Variants in PDE6A observed in about 807,000 individuals in gnomAD.
PDE6A encodes the protein phosphodiesterase 6A.
A neutral mutation model predicts 106.3 loss-of-function variants in PDE6A; 84 were observed. The ratio of observed to expected loss-of-function variants is 0.79; its 90% CI spans 0.66 to 0.95. The LOEUF is 0.95. Ranked by LOEUF, PDE6A falls within the 40% of genes least tolerant of loss-of-function variation. PDE6A has a pLI of 0.00. For missense variants in PDE6A, 1,052 were observed against 1,084.9 expected (o/e 0.97, Z 0.43); for synonymous variants, 394 against 386.6 (o/e 1.02, Z -0.23).
At chr5:149,921,538 A>G in intron 5 of PDE6A, 97 bp downstream of exon 5, 1 of 917,754 alleles carries the variant, frequency 1.1e-6, no homozygotes. Flanking sequence ...ACGCAAAGAC[A>G]AATACCTATA....
At chr5:149,928,216 T>TATATATATATATATAC (rs1476695160) in intron 4 of PDE6A, among the ~76,000 whole-genome samples, 2 of 44,092 alleles carry the variant, frequency 4.5e-5, no homozygotes, top group African/African-American at 3.7e-4. Context: ...GTGCTATATA[T>TATATATATATATATAC]ATATATATAT....
chr5:149,929,129 A>G (rs1753951288), intron 4 of PDE6A, among the ~76,000 whole-genome samples: 1 of 152,246 alleles, frequency 6.6e-6, no homozygotes, highest in Non-Finnish European at 1.5e-5. Flanking sequence ...AATACCTAAC[A>G]GAAAGGGCAC....
chr5:149,871,556 G>A (rs926176340), intron 17 of PDE6A, among the ~76,000 whole-genome samples: 7 of 151,940 alleles, frequency 4.6e-5, no homozygotes, highest in Non-Finnish European at 7.4e-5. Flanking sequence ...TAGTGTGCAG[G>A]GCCTGGTAGA....
Position 149,906,540 on chromosome 5 carries a change from C to A in PDE6A, c.1065+772G>T, listed in dbSNP as rs1485875967. On this transcript the variant is annotated intron_variant, in intron 7 of 21. Coordinates refer to ENST00000255266, the MANE Select transcript of PDE6A (RefSeq NM_000440.3). Reference sequence around the variant, plus strand: ...CTGTCAAAAAAAAAAAAAAAAAAATCCCACCTTTTAGACAAGGCATCCAAG... The same window carrying A: ...CTGTCAAAAAAAAAAAAAAAAAAATACCACCTTTTAGACAAGGCATCCAAG... Among the ~76,000 whole-genome samples, 91 of 41,544 alleles carry A rather than the reference C, an allele frequency of 2.2e-3. 1 individual carries two copies. The highest frequency in any genetic ancestry group is 6.9e-3 in the African/African-American group (86 of 12,460). 27.3% of individuals were successfully genotyped at this position (41,544 alleles called of 152,430 possible).
At position 149,933,386 on chromosome 5, in the gene PDE6A, A is replaced by G. The variant is rs1027813047; in HGVS notation, c.717+544T>C. Among the ~76,000 whole-genome samples, 3 of 152,140 alleles carry G rather than the reference A, an allele frequency of 2.0e-5. No homozygotes were observed. In the East Asian group the frequency reaches 5.8e-4, roughly 29 times the overall value. On this transcript the variant is annotated intron_variant, in intron 3 of 21. Transcript: ENST00000255266. Reference sequence around the variant, plus strand: ...GCAATCTTCCTGCCTTGGCCTCCCAAAGTGCTGGAACTACAGGCGTGAGCC... The same window carrying G: ...GCAATCTTCCTGCCTTGGCCTCCCAGAGTGCTGGAACTACAGGCGTGAGCC...
Position 149,944,710 on chromosome 5 carries a change from G to T in PDE6A, c.-37C>A, listed in dbSNP as rs1221955332. 4 of 1,532,584 alleles carry T rather than the reference G, an allele frequency of 2.6e-6. No individual in the cohort carries two copies. The highest frequency in any genetic ancestry group is 3.6e-6 in the Non-Finnish European group (4 of 1,124,752). The allele number at this position is 1,532,584 out of a possible 1,614,324, so 94.9% of individuals were successfully genotyped here. A position where few individuals can be genotyped will look rare whatever the true frequency, so the allele number is the denominator to read the frequency against. On this transcript the variant is annotated 5_prime_UTR_variant, in exon 1 of 22. Coordinates refer to ENST00000255266, the MANE Select transcript of PDE6A (RefSeq NM_000440.3). Reference sequence around the variant, plus strand: ...CCACTGGCTACTCTGTAGAAGGACTGGGACGGAGGCCTTCCAATGGCAGTT... The same window carrying T: ...CCACTGGCTACTCTGTAGAAGGACTTGGACGGAGGCCTTCCAATGGCAGTT...
intron 18 of PDE6A, 59 bp downstream of exon 18, chr5:149,868,036 A>G: frequency 1.3e-6 from 2 of 1,531,102 alleles, no homozygotes; most frequent in Non-Finnish European, 1.8e-6. Flanking sequence ...TCCAAGCCTC[A>G]TGACCTGATG....
In PDE6A at chr5:149,858,271, G is replaced by C. The variant is rs183299988; in HGVS notation, c.*2624C>G. 13 of 152,228 alleles carry C rather than the reference G, an allele frequency of 8.5e-5. No individual in the cohort carries two copies. Among genetic ancestry groups the C allele is most frequent in the African/African-American group, 3.1e-4 (13 of 41,534 alleles). 9.4% of individuals were successfully genotyped at this position (152,228 alleles called of 1,614,324 possible). A position where few individuals can be genotyped will look rare whatever the true frequency, so the allele number is the denominator to read the frequency against. On this transcript the variant is annotated 3_prime_UTR_variant, in exon 22 of 22. Coordinates refer to ENST00000255266, the MANE Select transcript of PDE6A (RefSeq NM_000440.3). ...TATACCTCCATAAAGCTGGTGGTGG[G>C]GGGGGAACGATAGAGAAGGAAAAAA...
chr5:149,937,063 A>G (rs1754204702), intron 1 of PDE6A, among the ~76,000 whole-genome samples: 1 of 152,234 alleles, frequency 6.6e-6, no homozygotes. Flanking sequence ...AATGGACTGG[A>G]TGGTGCTGTA....
chr5:149,876,832 T>C (rs900930965), intron 17 of PDE6A, among the ~76,000 whole-genome samples: 5 of 152,122 alleles, frequency 3.3e-5, no homozygotes, highest in Admixed American at 1.3e-4. Context: ...TTATCTTTTA[T>C]TTTTAATTCT....
At chr5:149,917,778 T>C (rs79232192) in intron 5 of PDE6A, among the ~76,000 whole-genome samples, 5,888 of 152,222 alleles carry the variant, frequency 0.039, 415 homozygotes, top group African/African-American at 0.13. Flanking sequence ...GGCCTCAGTT[T>C]CTCTGGCTGT....
chr5:149,893,747 T>C (rs1581175002), intron 13 of PDE6A, among the ~76,000 whole-genome samples: 1 of 152,200 alleles, frequency 6.6e-6, no homozygotes, highest in African/African-American at 2.4e-5. Flanking sequence ...ACTCTGTTCA[T>C]GCATCACTAG....
In PDE6A at chr5:149,908,297, G is replaced by A. The variant is rs541140198; in HGVS notation, c.999-919C>T. Among the ~76,000 whole-genome samples the A allele has an allele frequency of 2.0e-5, 3 of 152,296 alleles. No homozygotes were observed. The East Asian group carries it at 5.8e-4, about 29-fold the overall frequency. On this transcript the variant is annotated intron_variant, in intron 6 of 21. Coordinates refer to ENST00000255266, the MANE Select transcript of PDE6A (RefSeq NM_000440.3). ...AAACAGTGCTGCTGTCAACATTGGT[G>A]CATATGTGCTCTCAGTTCTACATGG...
chr5:149,928,774 G>A (rs1753944267), intron 4 of PDE6A, among the ~76,000 whole-genome samples: 1 of 152,122 alleles, frequency 6.6e-6, no homozygotes, highest in African/African-American at 2.4e-5. Context: ...CCCAGAATTT[G>A]CAAAGAACTC....
rs1028395619 is a variant in PDE6A at position 149,863,213 on chromosome 5, G to A, written c.2412C>T (p.Asn804=). ...CAAGCGCCTTCCACTCCTTGCGATT[G>A]TTGGTGATCCCGTCCAACATTGGGG... ...EITPMLDGIT[N]NRKEWKALAD... The change falls in exon 21 of 22, where the codon AAC becomes AAT. Residue 804 remains asparagine (N), a synonymous_variant. Transcript: ENST00000255266. The surrounding 1 kb of genome is among the most constrained non-coding windows in gnomAD (Gnocchi z 4.7). 2.5e-6 allele frequency: 4 copies of A among 1,614,138 alleles called. No homozygotes were observed. Among genetic ancestry groups the A allele is most frequent in the Non-Finnish European group, 2.5e-6 (3 of 1,180,014 alleles).
chr5:149,875,494 T>C (rs991871506), intron 17 of PDE6A, among the ~76,000 whole-genome samples: 1 of 151,514 alleles, frequency 6.6e-6, no homozygotes, highest in Non-Finnish European at 1.5e-5. Flanking sequence ...ACTATTTTTT[T>C]TTTTTTTTTT....
intron 1 of PDE6A, among the ~76,000 whole-genome samples, chr5:149,935,876 G>C (rs1170292413): frequency 6.6e-6 from 1 of 152,204 alleles, no homozygotes. Context: ...TCTGGGCCAG[G>C]CGTGGTGGTT....
chr5:149,884,673 A>C (rs1023549325), intron 15 of PDE6A, 94 bp from the exon 16 acceptor site: 3 of 1,420,316 alleles, frequency 2.1e-6, no homozygotes, highest in Non-Finnish European at 2.0e-6. Flanking sequence ...TGGCAGAGGC[A>C]GCCCAGGCCA....
In PDE6A at chr5:149,914,997, A is replaced by C. The variant is rs762090796; in HGVS notation, c.944T>G (p.Phe315Cys). Residue 315 changes from phenylalanine (F) to cysteine (C), a missense_variant, in exon 6 of 22, where the codon TTT becomes TGT. Coordinates refer to ENST00000255266, the MANE Select transcript of PDE6A (RefSeq NM_000440.3). Reference sequence around the variant, plus strand: ...CAGGATGTAGTCAATGACCTTGTAAAAGTTAATTTCCTGGCAAAAGAGAGA... The same window carrying C: ...CAGGATGTAGTCAATGACCTTGTAACAGTTAATTTCCTGGCAAAAGAGAGA... ...PRTPDGREIN[F>C]YKVIDYILHG... 11 of 1,601,052 alleles carry C rather than the reference A, an allele frequency of 6.9e-6. No individual in the cohort carries two copies. Among genetic ancestry groups the C allele is most frequent in the African/African-American group, 1.3e-5 (1 of 74,628 alleles).
Sources: gnomAD v4.1 joint callset for allele counts (sites outside exome capture counted in the v4.1 genomes callset) on GRCh38, gnomAD v4.1.1 for gene constraint, Gnocchi (gnomAD v3.1) non-coding constraint, MANE v1.5 for transcripts, NCBI Gene and HGNC (gene_info 2026-07-23, HGNC 2026-07-21) for gene names.